EPHA5: variants seen among roughly 807,000 people sequenced by gnomAD.
EPHA5 encodes ephrin type-A receptor 5.
Under a neutral mutation model 105.0 loss-of-function variants are expected in EPHA5, and 60 were observed. The observed-to-expected ratio is 0.57, with a 90% CI of 0.46 to 0.71. EPHA5 has a LOEUF of 0.71. Among genes scored for constraint, EPHA5 ranks in the 30% least tolerant of loss-of-function variants. The pLI is 0.00. For synonymous variants in EPHA5, 513 were observed against 449.1 expected (o/e 1.14, Z -1.80); for missense variants, 1,218 against 1,274.7 (o/e 0.96, Z 0.68).
chr4:65,660,383 T>C (rs4565127), intron 1 of EPHA5, among the ~76,000 whole-genome samples: 130,508 of 152,040 alleles, frequency 0.86, 56,436 homozygotes, highest in Non-Finnish European at 0.91. Flanking sequence ...AGAAAATGTG[T>C]ATATGAATTC....
intron 3 of EPHA5, among the ~76,000 whole-genome samples, chr4:65,576,050 GAAA>G (rs1740925153): frequency 1.4e-5 from 1 of 71,276 alleles, no homozygotes; most frequent in Non-Finnish European, 2.7e-5. Context: ...AAGAAAGAAA[GAAA>G]GAAAGAAAAG....
At chr4:65,488,807 C>T (rs542990693) in intron 5 of EPHA5, among the ~76,000 whole-genome samples, 1 of 151,772 alleles carries the variant, frequency 6.6e-6, no homozygotes, top group Non-Finnish European at 1.5e-5. Context: ...ATGCTTCACA[C>T]AATCTGGGCT....
chr4:65,608,523 G>C (rs1340423250), intron 2 of EPHA5, among the ~76,000 whole-genome samples: 1 of 151,270 alleles, frequency 6.6e-6, no homozygotes, highest in Admixed American at 6.6e-5. Context: ...AAGAAAAAAA[G>C]AAAAAAGAAA....
Position 65,413,684 on chromosome 4 carries a change from C to T in EPHA5, c.1687+600G>A, listed in dbSNP as rs184808365. Among the ~76,000 whole-genome samples the T allele has an allele frequency of 1.3e-3, 198 of 152,208 alleles. 1 individual carries two copies. The highest frequency in any genetic ancestry group is 0.01 in the Middle Eastern group (3 of 294). ...TATTTCTGTCTTCGAATTCTTCTTT[C>T]AATGTGTTTAGGGCAAGTAAGTAAC... On this transcript the variant is annotated intron_variant, in intron 7 of 16. Coordinates refer to ENST00000613740, the MANE Select transcript of EPHA5 (RefSeq NM_001281766.3).
intron 3 of EPHA5, among the ~76,000 whole-genome samples, chr4:65,594,929 T>C (rs929242747): frequency 7.2e-5 from 11 of 152,136 alleles, no homozygotes; most frequent in African/African-American, 2.7e-4. Context: ...GAAGAGCATA[T>C]TTTAGCTGGT....
intron 5 of EPHA5, among the ~76,000 whole-genome samples, chr4:65,427,344 C>T (rs184126424): frequency 1.6e-4 from 24 of 151,802 alleles, no homozygotes; most frequent in Non-Finnish European, 2.4e-4. Flanking sequence ...CCACTGCACC[C>T]GGCTAATTTT....
At chr4:65,333,762 T>C (rs562124572) in intron 15 of EPHA5, among the ~76,000 whole-genome samples, 27 of 151,750 alleles carry the variant, frequency 1.8e-4, no homozygotes, top group South Asian at 4.2e-4. Flanking sequence ...AAAATTTTTG[T>C]TTCCAGACTA....
At chr4:65,457,535 T>G (rs1727714445) in intron 5 of EPHA5, among the ~76,000 whole-genome samples, 1 of 152,128 alleles carries the variant, frequency 6.6e-6, no homozygotes, top group African/African-American at 2.4e-5. Context: ...AACCAGTATT[T>G]GCTAAGAATT....
At chr4:65,414,176 G>C (rs764264937) in intron 7 of EPHA5, 108 bp downstream of exon 7, 17 of 964,838 alleles carry the variant, frequency 1.8e-5, no homozygotes, top group Non-Finnish European at 2.6e-5. Context: ...CTGGGAGAGA[G>C]AGAGGGAGAG....
intron 3 of EPHA5, among the ~76,000 whole-genome samples, chr4:65,557,357 A>G (rs1047858831): frequency 2.0e-5 from 3 of 150,406 alleles, no homozygotes; most frequent in Admixed American, 1.3e-4. Context: ...TAACTAATGT[A>G]TTGAAAAATT....
At chr4:65,628,713 T>C (rs1381562927) in intron 2 of EPHA5, among the ~76,000 whole-genome samples, 2 of 152,180 alleles carry the variant, frequency 1.3e-5, no homozygotes, top group African/African-American at 4.8e-5. Flanking sequence ...AGGATTATAC[T>C]CATGGTTATG....
intron 2 of EPHA5, among the ~76,000 whole-genome samples, chr4:65,640,135 A>C (rs541764788): frequency 6.6e-6 from 1 of 152,246 alleles, no homozygotes; most frequent in Admixed American, 6.5e-5. Flanking sequence ...TAAATAAAGT[A>C]ATGTGACAAC....
rs541145647 is a variant in EPHA5 at position 65,613,960 on chromosome 4, T to C, written c.247-11656A>G. Among the ~76,000 whole-genome samples the C allele has an allele frequency of 5.9e-4, 90 of 152,126 alleles. 1 individual carries two copies. In the Middle Eastern group the frequency reaches 0.02, roughly 34 times the overall value. On this transcript the variant is annotated intron_variant, in intron 2 of 16. Coordinates refer to ENST00000613740, the MANE Select transcript of EPHA5 (RefSeq NM_001281766.3). ...ATTTTTTATCTATCAACAATCGATA[T>C]ATTTTGTTGCACTTTAATATTTTAC... is the stretch of plus-strand genomic sequence containing the variant.
chr4:65,518,970 C>T (rs1175365082), intron 3 of EPHA5, among the ~76,000 whole-genome samples: 1 of 152,020 alleles, frequency 6.6e-6, no homozygotes, highest in African/African-American at 2.4e-5. Context: ...TTTTATGAGG[C>T]CAGCATCATC....
chr4:65,462,383 T>C (rs970906285), intron 5 of EPHA5, among the ~76,000 whole-genome samples: 3 of 152,198 alleles, frequency 2.0e-5, no homozygotes, highest in African/African-American at 7.2e-5. Context: ...CCAACTGCTG[T>C]AATGAAACTG....
In EPHA5 at chr4:65,445,047, C is replaced by T. The variant is rs1406073970; in HGVS notation, c.1403-24482G>A. Among the ~76,000 whole-genome samples, 5 of 152,064 alleles carry T rather than the reference C, an allele frequency of 3.3e-5. No homozygotes were observed. The East Asian group carries it at 9.7e-4, about 29-fold the overall frequency. ...AATGTTACTGTGATTTATGTTTTATCCTGCACTTCAAAATAAATAAAATAC... is the reference window on the plus strand; with the variant it reads ...AATGTTACTGTGATTTATGTTTTATTCTGCACTTCAAAATAAATAAAATAC... On this transcript the variant is annotated intron_variant, in intron 5 of 16. Transcript: ENST00000613740.
At chr4:65,531,015 ATTTTT>A (rs200655975) in intron 3 of EPHA5, among the ~76,000 whole-genome samples, 1 of 107,182 alleles carries the variant, frequency 9.3e-6, no homozygotes, top group African/African-American at 3.6e-5. Flanking sequence ...TATTTTTTTT[ATTTTT>A]TTTATTTTTT....
chr4:65,477,788 A>T (rs142040339), intron 5 of EPHA5, among the ~76,000 whole-genome samples: 1 of 152,274 alleles, frequency 6.6e-6, no homozygotes, highest in East Asian at 1.9e-4. Context: ...TATTGCTAGT[A>T]TCAAATAAGG....
chr4:65,641,376 G>A (rs980498096), intron 2 of EPHA5, among the ~76,000 whole-genome samples: 15 of 151,738 alleles, frequency 9.9e-5, no homozygotes, highest in African/African-American at 3.4e-4. Flanking sequence ...CAATTGACTC[G>A]AACATTTTTT....
Sources: gnomAD v4.1 joint callset for allele counts (sites outside exome capture counted in the v4.1 genomes callset) on GRCh38, gnomAD v4.1.1 for gene constraint, MANE v1.5 for transcripts, NCBI Gene and HGNC (gene_info 2026-07-23, HGNC 2026-07-21) for gene names.